The following RUFY3 variants were observed in gnomAD, a reference collection of about 807,000 sequenced individuals.
The protein encoded by RUFY3 is protein RUFY3.
In RUFY3, 34 loss-of-function variants were observed where a neutral mutation model predicts 84.0. That is an observed-to-expected ratio of 0.40 (90% CI 0.31 to 0.54). The LOEUF (loss-of-function observed/expected upper bound fraction) is 0.54. Among genes scored for constraint, RUFY3 ranks in the 20% least tolerant of loss-of-function variants. The probability of loss-of-function intolerance (pLI) is 0.39; values close to 1 mark genes in which losing one functional copy is unlikely to be tolerated. For missense variants in RUFY3, 507 were observed against 736.8 expected (o/e 0.69, Z 3.61); for synonymous variants, 242 against 252.9 (o/e 0.96, Z 0.41).
chr4:70,753,522 G>A (rs1723474460), intron 1 of RUFY3, among the ~76,000 whole-genome samples: 1 of 152,162 alleles, frequency 6.6e-6, no homozygotes, highest in African/African-American at 2.4e-5. Flanking sequence ...ATCTAGGCCA[G>A]TGCTTCTCAA....
intron 7 of RUFY3, among the ~76,000 whole-genome samples, chr4:70,776,584 C>T (rs760061487): frequency 3.9e-5 from 6 of 152,146 alleles, no homozygotes; most frequent in Non-Finnish European, 5.9e-5. Flanking sequence ...ATCATCCTGG[C>T]TAACACGGTG....
chr4:70,791,100 A>G, intron 12 of RUFY3: 1 of 574,280 alleles, frequency 1.7e-6, no homozygotes, highest in Non-Finnish European at 2.9e-6. Context: ...TAAAGCAAAC[A>G]GAAAGAGAAT....
chr4:70,775,247 A>C lies in RUFY3; in HGVS notation c.824+14A>C. The C allele has an allele frequency of 6.6e-7, 1 of 1,505,860 alleles. No homozygotes were observed. The highest frequency in any genetic ancestry group is 1.8e-4 in the Middle Eastern group (1 of 5,674). 93.3% of individuals were successfully genotyped at this position (1,505,860 alleles called of 1,614,324 possible). ...CAGACATTTGAAGTAAATAATGAAT[A>C]AATATATTACTTTACTGGGGAATTG... On this transcript the variant is annotated intron_variant, in intron 7 of 17. Transcript: ENST00000381006.
chr4:70,715,365 C>T (rs1741439238), intron 1 of RUFY3, among the ~76,000 whole-genome samples: 1 of 152,156 alleles, frequency 6.6e-6, no homozygotes, highest in South Asian at 2.1e-4. Flanking sequence ...ACGTGGATCT[C>T]TCGAGGTCAG....
At chr4:70,765,315 C>G (rs1725705369) in intron 4 of RUFY3, among the ~76,000 whole-genome samples, 1 of 151,428 alleles carries the variant, frequency 6.6e-6, no homozygotes, top group African/African-American at 2.4e-5. Context: ...TTATATGATT[C>G]CATTGTATAA....
At chr4:70,738,546 TAG>T (rs2148638684) in intron 1 of RUFY3, among the ~76,000 whole-genome samples, 1 of 149,088 alleles carries the variant, frequency 6.7e-6, no homozygotes, top group East Asian at 2.1e-4. Flanking sequence ...GTATTTTTGG[TAG>T]AGACAGGGTT....
Position 70,705,349 on chromosome 4 carries a change from G to A in RUFY3, c.358+55G>A, listed in dbSNP as rs1005224332. 4.8e-6 allele frequency: 6 copies of A among 1,244,096 alleles called. No individual in the cohort carries two copies. In the Admixed American group the frequency reaches 2.5e-4, roughly 52 times the overall value. The allele number at this position is 1,244,096 out of a possible 1,614,324, so 77.1% of individuals were successfully genotyped here. A position where few individuals can be genotyped will look rare whatever the true frequency, so the allele number is the denominator to read the frequency against. Reference sequence around the variant, plus strand: ...GCGGGGAAGGGAGCATTCGGCTGGGGAGGGCCGGCCCGGCCCCCGCGGAGC... The same window carrying A: ...GCGGGGAAGGGAGCATTCGGCTGGGAAGGGCCGGCCCGGCCCCCGCGGAGC... On this transcript the variant is annotated intron_variant, in intron 1 of 11. Transcript: ENST00000417478.
chr4:70,727,894 A>G (rs944839920), intron 1 of RUFY3, among the ~76,000 whole-genome samples: 2 of 152,098 alleles, frequency 1.3e-5, no homozygotes, highest in Admixed American at 1.3e-4. Context: ...AGTATTATTG[A>G]GTGTTTAACA....
chr4:70,791,288 ACAT>A, intron 12 of RUFY3: 2 of 1,613,462 alleles, frequency 1.2e-6, no homozygotes, highest in African/African-American at 2.7e-5. Context: ...TGATCCCAAA[ACAT>A]CATTAGGCAT....
chr4:70,728,106 T>A (rs984480438), intron 1 of RUFY3, among the ~76,000 whole-genome samples: 3 of 152,230 alleles, frequency 2.0e-5, no homozygotes, highest in Non-Finnish European at 4.4e-5. Context: ...AAACTCATCC[T>A]AAGTTGAAAA....
chr4:70,783,038 T>C (rs1264136068), intron 8 of RUFY3, 53 bp from the exon 9 acceptor site: 17 of 1,076,628 alleles, frequency 1.6e-5, no homozygotes, highest in African/African-American at 6.4e-5. Context: ...AATTATCTTA[T>C]ACTATGTTAA....
intron 14 of RUFY3, among the ~76,000 whole-genome samples, chr4:70,797,450 A>C (rs751204476): frequency 6.6e-6 from 1 of 152,230 alleles, no homozygotes; most frequent in African/African-American, 2.4e-5. Flanking sequence ...AAACTATTTA[A>C]AATTTCTAGA....
chr4:70,726,574 T>C (rs1057329187), intron 1 of RUFY3, among the ~76,000 whole-genome samples: 1 of 152,182 alleles, frequency 6.6e-6, no homozygotes, highest in Non-Finnish European at 1.5e-5. Flanking sequence ...GGTTTCTCCA[T>C]GTTGGTCAGG....
Position 70,793,809 on chromosome 4 carries a change from C to T in RUFY3, c.1362C>T (p.Arg454=). 1.2e-6 allele frequency: 2 copies of T among 1,614,102 alleles called. No homozygotes were observed. The highest frequency in any genetic ancestry group is 1.7e-6 in the Non-Finnish European group (2 of 1,180,020). The stretch of plus-strand genomic sequence containing the variant: ...GATTGCGCCAGGCTGAGCGAAGCCG[C>T]CAATCTGCTGAGTTGGACAACCGGC... ...EQRLRQAERS[R]QSAELDNRLF... The change falls in exon 13 of 18, where the codon CGC becomes CGT. Residue 454 remains arginine (R), a synonymous_variant. Coordinates refer to ENST00000381006, the MANE Select transcript of RUFY3 (RefSeq NM_001037442.4).
Position 70,784,803 on chromosome 4 carries a change from A to G in RUFY3, c.995A>G (p.Lys332Arg). Residue 332 changes from lysine (K) to arginine (R), a missense_variant, in exon 10 of 18, where the codon AAG (lysine) becomes AGG (arginine). Physicochemically the swap from Lys to Arg is conservative, Grantham distance 26. Coordinates refer to ENST00000381006, the MANE Select transcript of RUFY3 (RefSeq NM_001037442.4). ...YILESNRKGP[K>R]QDRTAEGQAL... ...GTTATTTATCTTTTCAAGGGTCCCA[A>G]GCAAGACAGAACTGCAGAAGGGCAA... is the stretch of plus-strand genomic sequence containing the variant. 3.1e-6 allele frequency: 5 copies of G among 1,601,482 alleles called. No homozygotes were observed. Among genetic ancestry groups the G allele is most frequent in the Non-Finnish European group, 4.3e-6 (5 of 1,175,038 alleles).
chr4:70,715,491 G>A (rs1741456448), intron 1 of RUFY3, among the ~76,000 whole-genome samples: 1 of 150,364 alleles, frequency 6.7e-6, no homozygotes, highest in African/African-American at 2.5e-5. Context: ...GTCTGAGGCA[G>A]TGAGGCAGAA....
intron 7 of RUFY3, among the ~76,000 whole-genome samples, chr4:70,775,490 C>G (rs1355938202): frequency 6.6e-6 from 1 of 151,348 alleles, no homozygotes; most frequent in Non-Finnish European, 1.5e-5. Context: ...GTAATTATAA[C>G]TCTAGTGATT....
At chr4:70,738,698 A>G (rs1720819416) in intron 1 of RUFY3, among the ~76,000 whole-genome samples, 1 of 151,212 alleles carries the variant, frequency 6.6e-6, no homozygotes, top group African/African-American at 2.4e-5. Flanking sequence ...TGCATTAGTA[A>G]AGTCTTTTGC....
At chr4:70,792,268 G>C in intron 12 of RUFY3, 1 of 984,112 alleles carries the variant, frequency 1.0e-6, no homozygotes, top group Non-Finnish European at 1.2e-6. Flanking sequence ...AAGAGTTTCT[G>C]TTACTTTTTG....
Sources: allele counts gnomAD v4.1 joint callset (sites outside exome capture counted in the v4.1 genomes callset), GRCh38; gene constraint gnomAD v4.1.1; transcripts MANE v1.5; gene names NCBI Gene and HGNC (gene_info 2026-07-23, HGNC 2026-07-21).